CRACR2A: variants seen among roughly 807,000 people sequenced by gnomAD.
CRACR2A encodes EF-hand calcium-binding domain-containing protein 4B.
CRACR2A carries 79 observed loss-of-function variants against 90.5 expected under a neutral mutation model. That is an observed-to-expected ratio of 0.87 (90% CI 0.73 to 1.05). The LOEUF (loss-of-function observed/expected upper bound fraction) is 1.05, where lower values mean the gene tolerates loss of function less well. CRACR2A is among the 50% of genes least tolerant of loss of function. The probability of loss-of-function intolerance (pLI) is 0.00; values close to 1 mark genes in which losing one functional copy is unlikely to be tolerated. For missense variants in CRACR2A, 823 were observed against 897.2 expected, an observed-to-expected ratio of 0.92 and a Z score of 1.06; for synonymous variants, 338 against 356.7, an observed-to-expected ratio of 0.95 and a Z score of 0.59.
chr12:3,737,537 T>C (rs559448343), intron 1 of CRACR2A, among the ~76,000 whole-genome samples: 1 of 151,730 alleles, frequency 6.6e-6, no homozygotes, highest in African/African-American at 2.4e-5. Context: ...GGATATGGAG[T>C]GGATACATGG....
At chr12:3,704,495 T>C (rs1229283763) in intron 3 of CRACR2A, among the ~76,000 whole-genome samples, 3 of 152,170 alleles carry the variant, frequency 2.0e-5, no homozygotes, top group Admixed American at 6.5e-5. Flanking sequence ...TATTTATTCA[T>C]ACACACACAC....
chr12:3,652,409 T>C (rs1398844771), intron 10 of CRACR2A, among the ~76,000 whole-genome samples: 1 of 152,208 alleles, frequency 6.6e-6, no homozygotes, highest in East Asian at 1.9e-4. Context: ...CATCCAAGAA[T>C]TGGAATGGAG....
intron 2 of CRACR2A, among the ~76,000 whole-genome samples, chr12:3,725,553 C>T (rs1348763826): frequency 1.3e-5 from 2 of 152,092 alleles, no homozygotes; most frequent in Non-Finnish European, 2.9e-5. Flanking sequence ...ATTACATCTG[C>T]AAAGACTCTT....
intron 10 of CRACR2A, among the ~76,000 whole-genome samples, chr12:3,649,134 G>T (rs1944748734): frequency 6.6e-6 from 1 of 152,056 alleles, no homozygotes; most frequent in African/African-American, 2.4e-5. Flanking sequence ...AATGCTAAAT[G>T]ACGAGTTAAT....
intron 11 of CRACR2A, 34 bp downstream of exon 11, chr12:3,648,506 GGT>G: frequency 6.2e-7 from 1 of 1,614,004 alleles, no homozygotes; most frequent in Non-Finnish European, 8.5e-7. Context: ...GCTTCTGGGA[GGT>G]GCTCTCAGCA....
intron 2 of CRACR2A, among the ~76,000 whole-genome samples, chr12:3,725,056 G>A (rs149053189): frequency 8.5e-4 from 130 of 152,186 alleles, no homozygotes; most frequent in Admixed American, 1.8e-3. Flanking sequence ...CTGGACAGTC[G>A]CTGTCCTATA....
intron 10 of CRACR2A, among the ~76,000 whole-genome samples, chr12:3,653,186 T>A (rs1944827236): frequency 6.6e-6 from 1 of 152,144 alleles, no homozygotes; most frequent in Non-Finnish European, 1.5e-5. Context: ...TTTCACCGTG[T>A]TGGTCAGGCT....
intron 11 of CRACR2A, 50 bp from the exon 12 acceptor site, chr12:3,644,690 A>G: frequency 6.5e-7 from 1 of 1,526,828 alleles, no homozygotes; most frequent in Non-Finnish European, 8.9e-7. Context: ...TGCAGTTGAC[A>G]GATCCAACGG....
chr12:3,676,545 AG>A (rs1945339090), intron 6 of CRACR2A, among the ~76,000 whole-genome samples: 1 of 152,320 alleles, frequency 6.6e-6, no homozygotes, highest in Non-Finnish European at 1.5e-5. Context: ...GAATGGCACT[AG>A]TGCCCTTATA....
At chr12:3,674,168 T>C (rs1945302165) in intron 6 of CRACR2A, among the ~76,000 whole-genome samples, 1 of 152,156 alleles carries the variant, frequency 6.6e-6, no homozygotes, top group Admixed American at 6.5e-5. Context: ...ATGTGATGGA[T>C]GGCAGAAAGC....
chr12:3,734,646 T>TGC (rs1946420183), intron 1 of CRACR2A, among the ~76,000 whole-genome samples: 1 of 151,200 alleles, frequency 6.6e-6, no homozygotes, highest in Non-Finnish European at 1.5e-5. Context: ...TGTGTGTGTG[T>TGC]GTGTGTGCAT....
At chr12:3,683,941 C>T (rs939361198) in intron 4 of CRACR2A, among the ~76,000 whole-genome samples, 7 of 152,190 alleles carry the variant, frequency 4.6e-5, no homozygotes, top group East Asian at 1.9e-4. Flanking sequence ...TGACTGGCAA[C>T]CTTCCAGAAC....
At position 3,656,421 on chromosome 12, in the gene CRACR2A, A is replaced by G; in HGVS notation, c.763-15T>C. ...CTCTCTGTGTCCTGCCAAGCCAGAA[A>G]GAGGGACACACAGGACCCAAATGTA... On this transcript the variant is annotated splice_polypyrimidine_tract_variant and intron_variant, in intron 8 of 19. Transcript: ENST00000440314. 1 of 1,613,820 alleles carries G rather than the reference A, an allele frequency of 6.2e-7. No individual in the cohort carries two copies. Among genetic ancestry groups the G allele is most frequent in the Non-Finnish European group, 8.5e-7 (1 of 1,179,828 alleles).
chr12:3,739,864 T>C (rs1425104744), intron 1 of CRACR2A, among the ~76,000 whole-genome samples: 1 of 150,572 alleles, frequency 6.6e-6, no homozygotes, highest in African/African-American at 2.4e-5. Context: ...AACCAGGGAG[T>C]TGGAGGTTGC....
Position 3,708,352 on chromosome 12 carries a change from A to G in CRACR2A, c.-37+4885T>C, listed in dbSNP as rs188137039. ...GCTGGAACTTTGCTGAGATCTCACT[A>G]TGTGTGGCTTTCTCCTACCTCCCAT... On this transcript the variant is annotated intron_variant, in intron 3 of 19. Coordinates refer to ENST00000440314, the MANE Select transcript of CRACR2A (RefSeq NM_001144958.2). Among the ~76,000 whole-genome samples the G allele has an allele frequency of 2.6e-5, 4 of 152,268 alleles. No individual in the cohort carries two copies. The East Asian group carries it at 7.7e-4, about 29-fold the overall frequency.
In CRACR2A at chr12:3,673,438, G is replaced by T. The variant is rs1164779952; in HGVS notation, c.671+8C>A. 2 of 1,608,784 alleles carry T rather than the reference G, an allele frequency of 1.2e-6. No individual in the cohort carries two copies. Among genetic ancestry groups the T allele is most frequent in the African/African-American group, 1.3e-5 (1 of 74,646 alleles). On this transcript the variant is annotated splice_region_variant and intron_variant, in intron 7 of 19. Coordinates refer to ENST00000440314, the MANE Select transcript of CRACR2A (RefSeq NM_001144958.2). ...GTTACAGAAAGCGGCTGACACTGGG[G>T]TACCCACCTTTTTAGGGCACACTCC...
chr12:3,685,965 A>G (rs1337488263), intron 4 of CRACR2A, among the ~76,000 whole-genome samples: 1 of 152,250 alleles, frequency 6.6e-6, no homozygotes, highest in Non-Finnish European at 1.5e-5. Context: ...TGTGGCACAT[A>G]CACAGTGCAT....
chr12:3,709,469 G>A (rs1454094231), intron 3 of CRACR2A, among the ~76,000 whole-genome samples: 1 of 152,208 alleles, frequency 6.6e-6, no homozygotes, highest in Non-Finnish European at 1.5e-5. Context: ...TCTTAAGTCT[G>A]CCTGACTCTT....
intron 14 of CRACR2A, among the ~76,000 whole-genome samples, chr12:3,634,854 A>C (rs1022015180): frequency 6.6e-6 from 1 of 152,170 alleles, no homozygotes; most frequent in Admixed American, 6.5e-5. Context: ...ATTTAAACTA[A>C]AAGTTAAAAA....
Sources: gnomAD v4.1 joint callset for allele counts (sites outside exome capture counted in the v4.1 genomes callset) on GRCh38, gnomAD v4.1.1 for gene constraint, MANE v1.5 for transcripts, NCBI Gene and HGNC (gene_info 2026-07-23, HGNC 2026-07-21) for gene names.